The following GALNTL6 variants were observed in gnomAD, a reference collection of about 807,000 sequenced individuals.
GALNTL6 encodes polypeptide N-acetylgalactosaminyltransferase like 6.
A neutral mutation model predicts 73.7 loss-of-function variants in GALNTL6; 46 were observed. The ratio of observed to expected loss-of-function variants is 0.62; its 90% confidence interval spans 0.49 to 0.80. The LOEUF (loss-of-function observed/expected upper bound fraction) is 0.80. GALNTL6 is among the 30% of genes least tolerant of loss of function. GALNTL6 has a pLI of 0.00. For missense variants in GALNTL6, 604 were observed against 755.0 expected (o/e 0.80, Z 2.34); for synonymous variants, 259 against 263.7 (o/e 0.98, Z 0.17).
At chr4:172,935,459 C>CA (rs1459187707) in intron 9 of GALNTL6, among the ~76,000 whole-genome samples, 2 of 151,570 alleles carry the variant, frequency 1.3e-5, no homozygotes, top group African/African-American at 4.9e-5. Context: ...ATAGAGATAC[C>CA]AAAAAACCTT....
At chr4:172,294,738 T>C (rs1739603794) in intron 3 of GALNTL6, among the ~76,000 whole-genome samples, 1 of 152,192 alleles carries the variant, frequency 6.6e-6, no homozygotes, top group African/African-American at 2.4e-5. Flanking sequence ...CTAAATAAGA[T>C]TCAACATGAT....
chr4:171,915,549 TTATC>T (rs1737592940), intron 2 of GALNTL6, among the ~76,000 whole-genome samples: 4 of 151,632 alleles, frequency 2.6e-5, no homozygotes, highest in South Asian at 4.1e-4. Flanking sequence ...ACTGAATTAT[TTATC>T]TGATACTCAA....
At chr4:171,832,294 C>A (rs992450602) in intron 2 of GALNTL6, among the ~76,000 whole-genome samples, 2 of 146,994 alleles carry the variant, frequency 1.4e-5, no homozygotes, top group Non-Finnish European at 3.1e-5. Context: ...TGTTTTCAGT[C>A]TTTTAATTTT....
chr4:172,612,451 G>A (rs1211702635), intron 5 of GALNTL6, among the ~76,000 whole-genome samples: 6 of 152,054 alleles, frequency 3.9e-5, no homozygotes, highest in Non-Finnish European at 8.8e-5. Flanking sequence ...AAGACATGGG[G>A]AGATAGTGTC....
intron 5 of GALNTL6, among the ~76,000 whole-genome samples, chr4:172,656,732 C>G (rs966300873): frequency 2.0e-5 from 3 of 152,218 alleles, no homozygotes; most frequent in African/African-American, 7.2e-5. Flanking sequence ...AGCCTAAGCA[C>G]TCCTTAAAGT....
chr4:172,137,326 C>T (rs1290824781), intron 2 of GALNTL6, among the ~76,000 whole-genome samples: 1 of 152,092 alleles, frequency 6.6e-6, no homozygotes, highest in Non-Finnish European at 1.5e-5. Context: ...GCTATATATA[C>T]ACTTTACACT....
intron 2 of GALNTL6, among the ~76,000 whole-genome samples, chr4:171,953,781 CA>C (rs1686454893): frequency 6.6e-6 from 1 of 151,992 alleles, no homozygotes; most frequent in South Asian, 2.1e-4. Flanking sequence ...TTATATTCCA[CA>C]GATAATTGAG....
intron 2 of GALNTL6, among the ~76,000 whole-genome samples, chr4:172,087,456 AAACAAAAAAAACAAAAAAAAC>A (rs1312301840): frequency 6.1e-4 from 89 of 145,142 alleles, no homozygotes; most frequent in African/African-American, 2.0e-3. Flanking sequence ...AAAAAAAAAA[AAACAAAAAAAACAAAAAAAAC>A]AAAATAGAGC....
At chr4:171,925,023 A>G (rs1392453279) in intron 2 of GALNTL6, among the ~76,000 whole-genome samples, 1 of 152,196 alleles carries the variant, frequency 6.6e-6, no homozygotes, top group East Asian at 1.9e-4. Context: ...CCTAGAAGAC[A>G]CCAAAGATAT....
chr4:172,987,107 G>T (rs962461362), intron 10 of GALNTL6, among the ~76,000 whole-genome samples: 1 of 151,982 alleles, frequency 6.6e-6, no homozygotes, highest in Non-Finnish European at 1.5e-5. Context: ...ATCATGGTAG[G>T]ACTGATTTAC....
rs1561039171 is a variant in GALNTL6 at position 172,348,647 on chromosome 4, C to T, written c.511C>T (p.Leu171=). Residue 171 remains leucine (L), a synonymous_variant, in exon 5 of 13, where the codon CTG becomes TTG. Transcript: ENST00000506823. ...HSIINRTPGS[L]IAEIILVDDF... ...TATAATTAACCGAACCCCAGGGAGTCTGATAGCAGAAATCATTCTAGTAGA... is the reference window on the plus strand; with the variant it reads ...TATAATTAACCGAACCCCAGGGAGTTTGATAGCAGAAATCATTCTAGTAGA... The T allele has an allele frequency of 6.2e-7, 1 of 1,611,430 alleles. No homozygotes were observed. Among genetic ancestry groups the T allele is most frequent in the Non-Finnish European group, 8.5e-7 (1 of 1,178,438 alleles).
intron 2 of GALNTL6, among the ~76,000 whole-genome samples, chr4:172,025,955 T>C (rs923754629): frequency 2.6e-5 from 4 of 152,020 alleles, no homozygotes; most frequent in Non-Finnish European, 4.4e-5. Flanking sequence ...GGAGCTATCA[T>C]CTAAGCCAAG....
In GALNTL6 at chr4:172,809,272, A is replaced by G; in HGVS notation, c.554-89A>G. The G allele has an allele frequency of 9.9e-7, 1 of 1,014,764 alleles. No homozygotes were observed. The highest frequency in any genetic ancestry group is 1.5e-6 in the Non-Finnish European group (1 of 660,196). 62.9% of individuals were successfully genotyped at this position (1,014,764 alleles called of 1,614,324 possible). A position where few individuals can be genotyped will look rare whatever the true frequency, so the allele number is the denominator to read the frequency against. On this transcript the variant is annotated intron_variant, in intron 5 of 12. Coordinates refer to ENST00000506823, the MANE Select transcript of GALNTL6 (RefSeq NM_001034845.3). The surrounding 1 kb of genome is among the most constrained non-coding windows in gnomAD (Gnocchi z 4.4). ...AATGTTACCCCAGGATTCATCAGTC[A>G]CATACTCTCTATGCACAAACAACCG...
At position 172,504,162 on chromosome 4, in the gene GALNTL6, A is replaced by G. The variant is rs1443588772; in HGVS notation, c.553+155473A>G. On this transcript the variant is annotated intron_variant, in intron 5 of 12. Transcript: ENST00000506823. ...GCAACAGAGCGAGACTCTGTCTCAA[A>G]AAAAAAAAAAAAAAAAACTCACACC... Among the ~76,000 whole-genome samples, 7 of 39,942 alleles carry G rather than the reference A, an allele frequency of 1.8e-4. 2 individuals carry two copies. The highest frequency in any genetic ancestry group is 7.9e-4 in the Admixed American group (2 of 2,520). 26.2% of individuals were successfully genotyped at this position (39,942 alleles called of 152,430 possible).
chr4:172,199,457 C>T (rs1205852425), intron 2 of GALNTL6, among the ~76,000 whole-genome samples: 1 of 152,120 alleles, frequency 6.6e-6, no homozygotes, highest in Non-Finnish European at 1.5e-5. Context: ...TTTTGTGCTT[C>T]TGTTTTAGAT....
chr4:171,984,291 CA>C (rs1740000396), intron 2 of GALNTL6, among the ~76,000 whole-genome samples: 1 of 152,154 alleles, frequency 6.6e-6, no homozygotes, highest in African/African-American at 2.4e-5. Context: ...ACTTTTATTT[CA>C]AAACTAGCTT....
intron 3 of GALNTL6, among the ~76,000 whole-genome samples, chr4:172,261,335 G>C (rs1292633502): frequency 6.6e-6 from 1 of 151,272 alleles, no homozygotes; most frequent in African/African-American, 2.4e-5. Context: ...TAATCTAGGA[G>C]GGTTGTATAT....
intron 4 of GALNTL6, among the ~76,000 whole-genome samples, chr4:172,327,653 G>A (rs201221825): frequency 5.3e-5 from 8 of 152,014 alleles, no homozygotes; most frequent in African/African-American, 1.9e-4. Context: ...ATGACCTTCT[G>A]TGTCTTTTTT....
chr4:172,143,912 G>T (rs1188267727), intron 2 of GALNTL6, among the ~76,000 whole-genome samples: 1 of 151,980 alleles, frequency 6.6e-6, no homozygotes, highest in Non-Finnish European at 1.5e-5. Context: ...TTTATAATTT[G>T]CCCTTTCTGG....
Sources: gnomAD v4.1 joint callset for allele counts (sites outside exome capture counted in the v4.1 genomes callset) on GRCh38, gnomAD v4.1.1 for gene constraint, Gnocchi (gnomAD v3.1) non-coding constraint, MANE v1.5 for transcripts, NCBI Gene and HGNC (gene_info 2026-07-23, HGNC 2026-07-21) for gene names.